The following TM4SF18 variants were observed in gnomAD, a reference collection of about 807,000 sequenced individuals.
TM4SF18 encodes transmembrane 4 L six family member 18.
In TM4SF18, 22 loss-of-function variants were observed where a neutral mutation model predicts 23.8. The observed-to-expected ratio is 0.92, with a 90% CI of 0.66 to 1.32. The LOEUF is 1.32. Among genes scored for constraint, TM4SF18 ranks in the 40% most tolerant of loss-of-function variants. The pLI is 0.00. For synonymous variants in TM4SF18, 87 were observed against 87.9 expected (o/e 0.99, Z 0.06); for missense variants, 255 against 240.3 (o/e 1.06, Z -0.41).
At position 149,324,964 on chromosome 3, in the gene TM4SF18, A is replaced by C. The variant is rs374999686; in HGVS notation, c.326T>G (p.Val109Gly). The change falls in exon 4 of 6, where the codon GTC (valine) becomes GGC (glycine). Residue 109 changes from valine to glycine, a missense_variant. Transcript: ENST00000296059. ...TTGGACAAGACCCAAGGCAGAGATG[A>C]CCAGGCAGTATCCAGAAAAAGCAAT... ...LGIAFSGYCL[V>G]ISALGLVQGP... 6.2e-7 allele frequency: 1 copy of C among 1,614,092 alleles called. No individual in the cohort carries two copies. Among genetic ancestry groups the C allele is most frequent in the Non-Finnish European group, 8.5e-7 (1 of 1,180,030 alleles).
chr3:149,324,752 A>G (rs748926337), intron 4 of TM4SF18, 128 bp downstream of exon 4: 23 of 1,194,186 alleles, frequency 1.9e-5, no homozygotes, highest in Non-Finnish European at 2.6e-5. Flanking sequence ...GTAAACTAAC[A>G]GGGAAATTCT....
intron 3 of TM4SF18, among the ~76,000 whole-genome samples, chr3:149,326,006 T>C (rs1730936287): frequency 6.6e-6 from 1 of 152,220 alleles, no homozygotes; most frequent in Non-Finnish European, 1.5e-5. Context: ...CCTGTACATA[T>C]ATACAAATAT....
chr3:149,321,434 G>C lies in TM4SF18; in HGVS notation c.*44C>G, dbSNP rs746166565. ...GTCTACACAGTTGATATAATATTTA[G>C]ATAGATGGCCATGTCTTGATAATGG... On this transcript the variant is annotated 3_prime_UTR_variant, in exon 6 of 6. Coordinates refer to ENST00000296059, the MANE Select transcript of TM4SF18 (RefSeq NM_138786.4). 14 of 1,436,776 alleles carry C rather than the reference G, an allele frequency of 9.7e-6. No homozygotes were observed. Among genetic ancestry groups the C allele is most frequent in the Non-Finnish European group, 1.2e-5 (13 of 1,042,674 alleles). The allele number at this position is 1,436,776 out of a possible 1,614,324, so 89.0% of individuals were successfully genotyped here.
At chr3:149,323,123 C>A (rs1206972593) in intron 4 of TM4SF18, among the ~76,000 whole-genome samples, 8 of 152,094 alleles carry the variant, frequency 5.3e-5, no homozygotes, top group African/African-American at 1.9e-4. Context: ...TGGTCTCGAT[C>A]TCCTGACCTC....
chr3:149,329,733 AT>A (rs1421840392), intron 3 of TM4SF18, among the ~76,000 whole-genome samples: 3 of 152,172 alleles, frequency 2.0e-5, no homozygotes, highest in African/African-American at 7.2e-5. Context: ...TATTTTAATT[AT>A]TTTTCAAGTG....
At chr3:149,332,432 T>C (rs1411970777) in intron 2 of TM4SF18, among the ~76,000 whole-genome samples, 5 of 152,190 alleles carry the variant, frequency 3.3e-5, no homozygotes. Flanking sequence ...CAACATGATT[T>C]ACTCTCAGTT....
Position 149,321,396 on chromosome 3 carries a change from A to G in TM4SF18, c.*82T>C. 1 of 1,083,050 alleles carries G rather than the reference A, an allele frequency of 9.2e-7. No homozygotes were observed. Among genetic ancestry groups the G allele is most frequent in the Non-Finnish European group, 1.3e-6 (1 of 768,720 alleles). The allele number at this position is 1,083,050 out of a possible 1,614,324, so 67.1% of individuals were successfully genotyped here. Reference sequence around the variant, plus strand: ...AAATGCAGAAAGCACCATCATTTCAATATTGCCCTCAAGTCTACACAGTTG... The same window carrying G: ...AAATGCAGAAAGCACCATCATTTCAGTATTGCCCTCAAGTCTACACAGTTG... On this transcript the variant is annotated 3_prime_UTR_variant, in exon 6 of 6. Transcript: ENST00000296059.
rs1175904617 is a variant in TM4SF18, at chr3:149,319,168, CAA to C, written c.*2308_*2309del. ...CGTACGGTGCCATGCTGAATCTAAA[CAA>C]GAGATAGACAGTCTGAAAGTATATA... On this transcript the variant is annotated 3_prime_UTR_variant, in exon 6 of 6. Coordinates refer to ENST00000296059, the MANE Select transcript of TM4SF18 (RefSeq NM_138786.4). 1 of 152,134 alleles carries C rather than the reference CAA, an allele frequency of 6.6e-6. No homozygotes were observed. Among genetic ancestry groups the C allele is most frequent in the Admixed American group, 6.5e-5 (1 of 15,270 alleles). The allele number at this position is 152,134 out of a possible 1,614,324, so 9.4% of individuals were successfully genotyped here.
intron 5 of TM4SF18, 94 bp from the exon 6 acceptor site, chr3:149,321,586 A>T (rs941699458): frequency 2.4e-5 from 18 of 757,148 alleles, no homozygotes; most frequent in African/African-American, 2.3e-4. Context: ...CTTATATTTC[A>T]TATTCAAAAT....
At chr3:149,333,110 G>T in intron 2 of TM4SF18, 96 bp downstream of exon 2, 2 of 1,208,132 alleles carry the variant, frequency 1.7e-6, no homozygotes, top group Non-Finnish European at 2.3e-6. Context: ...AAGATTAGCA[G>T]AATGATTTTT....
intron 5 of TM4SF18, 116 bp from the exon 6 acceptor site, chr3:149,321,608 GA>G: frequency 1.6e-6 from 1 of 610,570 alleles, no homozygotes; most frequent in Non-Finnish European, 2.8e-6. Flanking sequence ...TGATAGAACA[GA>G]AAAAACATCT....
At chr3:149,328,806 T>C (rs1050062348) in intron 3 of TM4SF18, among the ~76,000 whole-genome samples, 3 of 152,142 alleles carry the variant, frequency 2.0e-5, no homozygotes, top group Non-Finnish European at 4.4e-5. Context: ...GGGACTTCTC[T>C]TCTAGAACTT....
intron 2 of TM4SF18, among the ~76,000 whole-genome samples, chr3:149,332,033 G>GA (rs1363015741): frequency 1.3e-5 from 2 of 151,988 alleles, no homozygotes; most frequent in East Asian, 1.9e-4. Context: ...GATTTCCTCA[G>GA]AAAAAATGAT....
At chr3:149,332,332 A>T (rs749074962) in intron 2 of TM4SF18, among the ~76,000 whole-genome samples, 4 of 152,204 alleles carry the variant, frequency 2.6e-5, no homozygotes, top group Non-Finnish European at 4.4e-5. Flanking sequence ...ATTTTCTTCT[A>T]CATTATTGGT....
intron 3 of TM4SF18, among the ~76,000 whole-genome samples, chr3:149,325,802 C>T (rs1352005416): frequency 6.6e-6 from 1 of 152,172 alleles, no homozygotes; most frequent in African/African-American, 2.4e-5. Context: ...CTTTATCCTT[C>T]AGGGCAAGGG....
intron 3 of TM4SF18, among the ~76,000 whole-genome samples, chr3:149,327,656 G>GT (rs748017436): frequency 6.6e-5 from 10 of 152,110 alleles, no homozygotes; most frequent in Non-Finnish European, 1.5e-4. Context: ...ACCAGAAAAA[G>GT]TAAGACCAAC....
intron 3 of TM4SF18, among the ~76,000 whole-genome samples, chr3:149,326,886 TC>T (rs1325194993): frequency 6.6e-6 from 1 of 152,232 alleles, no homozygotes; most frequent in African/African-American, 2.4e-5. Flanking sequence ...CACAAGATGT[TC>T]CAGGTTCATT....
chr3:149,323,631 T>C (rs1730864206), intron 4 of TM4SF18, among the ~76,000 whole-genome samples: 2 of 152,248 alleles, frequency 1.3e-5, no homozygotes, highest in Non-Finnish European at 2.9e-5. Flanking sequence ...AATCCTGTTA[T>C]CTTCATAAGT....
chr3:149,319,918 G>A lies in TM4SF18; in HGVS notation c.*1560C>T, dbSNP rs1226649266. 6.6e-6 allele frequency: 1 copy of A among 152,200 alleles called. No homozygotes were observed. The highest frequency in any genetic ancestry group is 1.5e-5 in the Non-Finnish European group (1 of 68,054). 9.4% of individuals were successfully genotyped at this position (152,200 alleles called of 1,614,324 possible). A position where few individuals can be genotyped will look rare whatever the true frequency, so the allele number is the denominator to read the frequency against. On this transcript the variant is annotated 3_prime_UTR_variant, in exon 6 of 6. Transcript: ENST00000296059. ...TCAGAGGCCATTAGCAAGACAATAG[G>A]CTGCCCATGACTCTGGGGCCTGCCC...
Sources: allele counts gnomAD v4.1 joint callset (sites outside exome capture counted in the v4.1 genomes callset), GRCh38; gene constraint gnomAD v4.1.1; transcripts MANE v1.5; gene names NCBI Gene and HGNC (gene_info 2026-07-23, HGNC 2026-07-21).